Variants in PTK7 observed in about 807,000 individuals in gnomAD.
PTK7 encodes the protein inactive tyrosine-protein kinase 7.
Under a neutral mutation model 116.6 loss-of-function variants are expected in PTK7, and 39 were observed. That is an observed-to-expected ratio of 0.33 (90% CI 0.26 to 0.44). The LOEUF is 0.44. PTK7 is among the 20% of genes least tolerant of loss of function. The pLI is 1.00. For synonymous variants in PTK7, 546 were observed against 563.6 expected (o/e 0.97, Z 0.44); for missense variants, 1,169 against 1,425.6 (o/e 0.82, Z 2.90).
At chr6:43,117,200 A>AGCCCAAT (rs1484536949) in intron 1 of PTK7, among the ~76,000 whole-genome samples, 1 of 152,162 alleles carries the variant, frequency 6.6e-6, no homozygotes, top group Non-Finnish European at 1.5e-5. Flanking sequence ...CCCCCAGAAA[A>AGCCCAAT]GCCCAATACA....
At chr6:43,098,313 C>T (rs1025573571) in intron 1 of PTK7, among the ~76,000 whole-genome samples, 1 of 151,986 alleles carries the variant, frequency 6.6e-6, no homozygotes, top group African/African-American at 2.4e-5. Flanking sequence ...GCTTAGTTCA[C>T]GTCCTGTCAT....
chr6:43,124,661 G>T (rs1196918519), intron 1 of PTK7, among the ~76,000 whole-genome samples: 1 of 151,664 alleles, frequency 6.6e-6, no homozygotes, highest in Admixed American at 6.6e-5. Flanking sequence ...GGGCAACAGA[G>T]TGAGACCCTA....
In PTK7 at chr6:43,142,498, G is replaced by A. The variant is rs188582590; in HGVS notation, c.2047+199G>A. ...GGCTGTCGTTTATTTAACATCCAAC[G>A]GTCGGTGTGTGTGTGTGTGTGTTGT... On this transcript the variant is annotated intron_variant, in intron 13 of 19. Transcript: ENST00000230419. The A allele has an allele frequency of 5.2e-4, 440 of 850,736 alleles. No homozygotes were observed. The African/African-American group carries it at 6.1e-3, about 12-fold the overall frequency. 52.7% of individuals were successfully genotyped at this position (850,736 alleles called of 1,614,324 possible). A position where few individuals can be genotyped will look rare whatever the true frequency, so the allele number is the denominator to read the frequency against.
chr6:43,101,169 C>T (rs1482078340), intron 1 of PTK7, among the ~76,000 whole-genome samples: 13 of 149,678 alleles, frequency 8.7e-5, no homozygotes, highest in Admixed American at 8.0e-4. Flanking sequence ...GAGCTGAGAT[C>T]GCACCATTGC....
Position 43,129,800 on chromosome 6 carries a change from A to G in PTK7, c.441A>G (p.Thr147=). 1 of 1,614,194 alleles carries G rather than the reference A, an allele frequency of 6.2e-7. No individual in the cohort carries two copies. The highest frequency in any genetic ancestry group is 8.5e-7 in the Non-Finnish European group (1 of 1,180,036). ...EAEIQPQTQV[T]LRCHIDGHPR... ...AGATCCAGCCACAGACCCAGGTCAC[A>G]CTTCGTTGCCACATTGATGGGCACC... The change falls in exon 3 of 20, where the codon ACA becomes ACG. Residue 147 remains threonine (T), a synonymous_variant. Transcript: ENST00000230419. The surrounding 1 kb of genome is among the most constrained non-coding windows in gnomAD (Gnocchi z 4.5).
intron 1 of PTK7, among the ~76,000 whole-genome samples, chr6:43,117,047 C>T (rs1768598027): frequency 6.6e-6 from 1 of 152,114 alleles, no homozygotes; most frequent in South Asian, 2.1e-4. Flanking sequence ...TGGTCTCAAG[C>T]TCCTGAACTG....
rs1030075879 is a variant in PTK7 at position 43,118,673 on chromosome 6, A to C, written c.80-10304A>C. Among the ~76,000 whole-genome samples the C allele has an allele frequency of 6.4e-3, 738 of 114,846 alleles. 3 individuals carry two copies. The highest frequency in any genetic ancestry group is 0.022 in the African/African-American group (622 of 28,080). The allele number at this position is 114,846 out of a possible 152,430, so 75.3% of individuals were successfully genotyped here. On this transcript the variant is annotated intron_variant, in intron 1 of 19. Transcript: ENST00000230419. The stretch of plus-strand genomic sequence containing the variant: ...TCTCTCTCTCTCTATATATATATAT[A>C]TATATATATATATATGTATATATGT...
At chr6:43,105,123 T>TAA (rs538210976) in intron 1 of PTK7, among the ~76,000 whole-genome samples, 6 of 151,878 alleles carry the variant, frequency 4.0e-5, no homozygotes, top group African/African-American at 1.2e-4. Context: ...TTTTTTTTTT[T>TAA]TAAAAAAACT....
intron 1 of PTK7, among the ~76,000 whole-genome samples, chr6:43,125,774 G>A (rs1769252468): frequency 6.6e-6 from 1 of 152,208 alleles, no homozygotes; most frequent in Non-Finnish European, 1.5e-5. Context: ...AGCCTTGTGA[G>A]AGAGGCAGAG....
Position 43,151,761 on chromosome 6 carries a change from T to C in PTK7, c.2721+5063T>C, listed in dbSNP as rs1037997605. The stretch of plus-strand genomic sequence containing the variant: ...ACCAAGTTGGCCAGGATGGACACAA[T>C]CTCCTGACCTCGTGATCCGCCCGCC... On this transcript the variant is annotated intron_variant, in intron 17 of 19. Coordinates refer to ENST00000230419, the MANE Select transcript of PTK7 (RefSeq NM_002821.5). Among the ~76,000 whole-genome samples, 3 of 148,480 alleles carry C rather than the reference T, an allele frequency of 2.0e-5. No homozygotes were observed. The Admixed American group carries it at 2.0e-4, about 10-fold the overall frequency.
At chr6:43,111,781 C>G (rs889983442) in intron 1 of PTK7, among the ~76,000 whole-genome samples, 1 of 152,060 alleles carries the variant, frequency 6.6e-6, no homozygotes, top group Non-Finnish European at 1.5e-5. Flanking sequence ...GATCCTCCCA[C>G]CTCAGTCTCC....
At chr6:43,101,950 C>A (rs1189821076) in intron 1 of PTK7, among the ~76,000 whole-genome samples, 5 of 152,122 alleles carry the variant, frequency 3.3e-5, no homozygotes, top group Non-Finnish European at 7.4e-5. Flanking sequence ...AATCCCAGCA[C>A]TTTGGGAGGC....
Position 43,129,790 on chromosome 6 carries a change from C to T in PTK7, c.431C>T (p.Thr144Ile). Residue 144 changes from threonine to isoleucine, a missense_variant, in exon 3 of 20, where the codon ACC becomes ATC. Around this residue, in one of 3 missense-constraint regions of PTK7, gnomAD observed 487 missense variants for 549.8 expected, o/e 0.89. Coordinates refer to ENST00000230419, the MANE Select transcript of PTK7 (RefSeq NM_002821.5). The surrounding 1 kb of genome is among the most constrained non-coding windows in gnomAD (Gnocchi z 4.5). ...PASEAEIQPQTQVTLRCHIDG... is the reference protein window; with the variant it reads ...PASEAEIQPQIQVTLRCHIDG... ...TCGGAAGCTGAGATCCAGCCACAGA[C>T]CCAGGTCACACTTCGTTGCCACATT... The T allele has an allele frequency of 6.2e-7, 1 of 1,614,200 alleles. No homozygotes were observed. Among genetic ancestry groups the T allele is most frequent in the East Asian group, 2.2e-5 (1 of 44,890 alleles).
At chr6:43,096,387 C>CGGGATCCAA (rs1561939387) in intron 1 of PTK7, among the ~76,000 whole-genome samples, 2 of 149,514 alleles carry the variant, frequency 1.3e-5, no homozygotes, top group African/African-American at 2.5e-5. Flanking sequence ...GAAGGAGGAC[C>CGGGATCCAA]GGGATCCAAG....
chr6:43,110,438 A>G (rs1023156217), intron 1 of PTK7, among the ~76,000 whole-genome samples: 2 of 150,072 alleles, frequency 1.3e-5, no homozygotes, highest in African/African-American at 4.9e-5. Flanking sequence ...TTGAGATGGA[A>G]TTTTGCTCTT....
chr6:43,099,124 A>G (rs963944023), intron 1 of PTK7, among the ~76,000 whole-genome samples: 14 of 149,434 alleles, frequency 9.4e-5, no homozygotes, highest in Admixed American at 8.6e-4. Flanking sequence ...AAAAAAAAGG[A>G]AAAAAAATGT....
At chr6:43,088,030 G>A (rs1421218353) in intron 1 of PTK7, among the ~76,000 whole-genome samples, 1 of 152,200 alleles carries the variant, frequency 6.6e-6, no homozygotes, top group Non-Finnish European at 1.5e-5. Flanking sequence ...CAGTGTGGTG[G>A]TTCACACCTG....
chr6:43,137,004 A>G (rs1297175294), intron 7 of PTK7, among the ~76,000 whole-genome samples: 1 of 152,212 alleles, frequency 6.6e-6, no homozygotes, highest in Non-Finnish European at 1.5e-5. Context: ...ACCCTGTCTC[A>G]CACACACAAA....
At chr6:43,112,587 T>C (rs908396724) in intron 1 of PTK7, among the ~76,000 whole-genome samples, 2 of 152,146 alleles carry the variant, frequency 1.3e-5, no homozygotes, top group Non-Finnish European at 2.9e-5. Flanking sequence ...CTAATTTTTG[T>C]ATTTTTAGTA....
Sources: gnomAD v4.1 joint callset for allele counts (sites outside exome capture counted in the v4.1 genomes callset) on GRCh38, gnomAD v4.1.1 for gene constraint, gnomAD v4.1.1 regional missense constraint, Gnocchi (gnomAD v3.1) non-coding constraint, MANE v1.5 for transcripts, NCBI Gene and HGNC (gene_info 2026-07-23, HGNC 2026-07-21) for gene names.